RASGRF1: variants seen among roughly 807,000 people sequenced by gnomAD.
RASGRF1 encodes the protein Ras protein specific guanine nucleotide releasing factor 1.
In RASGRF1, 40 loss-of-function variants were observed where a neutral mutation model predicts 138.7. The ratio of observed to expected loss-of-function variants is 0.29; its 90% confidence interval spans 0.22 to 0.38. The LOEUF (loss-of-function observed/expected upper bound fraction) is 0.38, where lower values mean the gene tolerates loss of function less well. Among genes scored for constraint, RASGRF1 ranks in the 10% least tolerant of loss-of-function variants. The pLI is 1.00. For synonymous variants in RASGRF1, 614 were observed against 663.2 expected (o/e 0.93, Z 1.14); for missense variants, 1,108 against 1,650.4 (o/e 0.67, Z 5.69).
chr15:79,037,562 G>A (rs1285732783), intron 5 of RASGRF1, among the ~76,000 whole-genome samples: 9 of 151,780 alleles, frequency 5.9e-5, no homozygotes, highest in African/African-American at 9.7e-5. Flanking sequence ...GGTTTCAAGC[G>A]ATTCTCCTGA....
chr15:79,002,055 A>C lies in RASGRF1; in HGVS notation c.2450-268T>G, dbSNP rs146119090. Among the ~76,000 whole-genome samples the C allele has an allele frequency of 1.5e-3, 229 of 152,310 alleles. 6 individuals carry two copies. In the East Asian group the frequency reaches 0.038, roughly 25 times the overall value. On this transcript the variant is annotated intron_variant, in intron 15 of 26. Coordinates refer to ENST00000558480, the MANE Select transcript of RASGRF1 (RefSeq NM_001145648.3). ...AGACACACCTGGGGATCTTGTCAGA[A>C]TGCAAATTCTGATTCAGGGGTCTCA... is the stretch of plus-strand genomic sequence containing the variant.
At position 79,001,709 on chromosome 15, in the gene RASGRF1, G is replaced by A. The variant is rs1330997240; in HGVS notation, c.2528C>T (p.Thr843Ile). ...TGATTTGGGTGTTGTTGGAGATTTAGTTGGTGATGTTTCAGTATCACCATC... is the reference window on the plus strand; with the variant it reads ...TGATTTGGGTGTTGTTGGAGATTTAATTGGTGATGTTTCAGTATCACCATC... ...SDDGDTETSP[T>I]KSPTTPKSVK... The change falls in exon 16 of 27, where the codon ACT (threonine) becomes ATT (isoleucine). Residue 843 changes from threonine to isoleucine, a missense_variant. Thr to Ile is a moderately conservative substitution (Grantham distance 89). Around this residue, in one of 3 missense-constraint regions of RASGRF1, gnomAD observed 686 missense variants for 976.7 expected, o/e 0.70. Coordinates refer to ENST00000558480, the MANE Select transcript of RASGRF1 (RefSeq NM_001145648.3). 6.2e-7 allele frequency: 1 copy of A among 1,610,760 alleles called. No individual in the cohort carries two copies.
intron 19 of RASGRF1, 160 bp downstream of exon 19, chr15:78,997,936 C>T (rs561536861): frequency 4.8e-6 from 3 of 622,832 alleles, no homozygotes; most frequent in African/African-American, 1.8e-5. Context: ...CCTGAGCCTG[C>T]CCCCAAGAGC....
intron 1 of RASGRF1, among the ~76,000 whole-genome samples, chr15:79,079,701 T>C (rs1050763315): frequency 1.3e-5 from 2 of 152,224 alleles, no homozygotes; most frequent in African/African-American, 4.8e-5. Context: ...TAATGGCCAC[T>C]AGGGAAGTGA....
intron 1 of RASGRF1, among the ~76,000 whole-genome samples, chr15:79,077,903 AGGGGTGGGT>A (rs934648374): frequency 2.1e-4 from 1 of 4,738 alleles, no homozygotes; most frequent in African/African-American, 1.1e-3. Flanking sequence ...CTCTGAGAGA[AGGGGTGGGT>A]GGGGTGGGCT....
At chr15:79,085,959 A>G (rs1229372853) in intron 1 of RASGRF1, among the ~76,000 whole-genome samples, 1 of 152,202 alleles carries the variant, frequency 6.6e-6, no homozygotes, top group Non-Finnish European at 1.5e-5. Context: ...GCATAGGCGC[A>G]AGGAGCCGAT....
At chr15:79,000,368 A>T (rs2056495634) in intron 16 of RASGRF1, among the ~76,000 whole-genome samples, 1 of 152,158 alleles carries the variant, frequency 6.6e-6, no homozygotes, top group Non-Finnish European at 1.5e-5. Context: ...TGGAGAGAGG[A>T]TGGCTCTTGG....
chr15:78,982,532 C>A (rs897393705), intron 23 of RASGRF1, among the ~76,000 whole-genome samples: 6 of 152,090 alleles, frequency 3.9e-5, no homozygotes, highest in African/African-American at 1.4e-4. Flanking sequence ...CATGGGATAC[C>A]AAGCCTCTGG....
intron 20 of RASGRF1, among the ~76,000 whole-genome samples, chr15:78,992,474 G>A (rs2056291700): frequency 6.6e-6 from 1 of 152,244 alleles, no homozygotes; most frequent in African/African-American, 2.4e-5. Context: ...GATGAGTGGT[G>A]GACATAGGGA....
chr15:79,074,197 G>T (rs1370421567), intron 1 of RASGRF1, among the ~76,000 whole-genome samples: 4 of 152,212 alleles, frequency 2.6e-5, no homozygotes, highest in Non-Finnish European at 4.4e-5. Flanking sequence ...GATCCCTAGG[G>T]GTATGGCTGG....
intron 1 of RASGRF1, among the ~76,000 whole-genome samples, chr15:79,085,242 G>A (rs1209737751): frequency 1.3e-5 from 2 of 152,220 alleles, no homozygotes; most frequent in Non-Finnish European, 2.9e-5. Context: ...GGCATGGTTG[G>A]TGGGAGATCA....
intron 10 of RASGRF1, among the ~76,000 whole-genome samples, chr15:79,023,660 T>C (rs2056998042): frequency 6.6e-6 from 1 of 152,130 alleles, no homozygotes; most frequent in Non-Finnish European, 1.5e-5. Flanking sequence ...GAGATGCTCA[T>C]TCCCTCCCCC....
At chr15:78,975,720 A>G (rs908974065) in intron 24 of RASGRF1, among the ~76,000 whole-genome samples, 1 of 152,046 alleles carries the variant, frequency 6.6e-6, no homozygotes. Context: ...TATTTTTGCC[A>G]TGTTGCCCAG....
At chr15:79,043,999 G>A (rs1362173902) in intron 5 of RASGRF1, among the ~76,000 whole-genome samples, 3 of 152,230 alleles carry the variant, frequency 2.0e-5, no homozygotes, top group Non-Finnish European at 4.4e-5. Context: ...CACCAGGGAA[G>A]TGCACTCAGA....
At chr15:79,028,277 C>A (rs2057089456) in intron 8 of RASGRF1, among the ~76,000 whole-genome samples, 2 of 152,112 alleles carry the variant, frequency 1.3e-5, no homozygotes, top group Admixed American at 1.3e-4. Flanking sequence ...TATTCCCATC[C>A]CAAGAGCAAA....
chr15:79,061,413 A>T (rs201280260), intron 2 of RASGRF1, among the ~76,000 whole-genome samples: 92 of 116,950 alleles, frequency 7.9e-4, no homozygotes, highest in African/African-American at 2.1e-3. Context: ...CTATCTTTAA[A>T]ATATATATAT....
intron 1 of RASGRF1, among the ~76,000 whole-genome samples, chr15:79,082,106 G>A (rs1283996738): frequency 6.6e-6 from 1 of 152,170 alleles, no homozygotes; most frequent in African/African-American, 2.4e-5. Context: ...GATCAGATTT[G>A]CATTTTAGAA....
rs532379174 is a variant in RASGRF1, at chr15:79,086,091, C to T, written c.276+4132G>A. ...ACACAGTTGATCCTGGGGCCCCACA[C>T]CTGCTAGGATTGGGCATGGTCTGGA... is the stretch of plus-strand genomic sequence containing the variant. On this transcript the variant is annotated intron_variant, in intron 1 of 26. Transcript: ENST00000558480. 7.9e-5 allele frequency among the ~76,000 whole-genome samples: 12 copies of T among 152,256 alleles called. No individual in the cohort carries two copies. In the South Asian group the frequency reaches 1.9e-3, roughly 24 times the overall value.
intron 13 of RASGRF1, among the ~76,000 whole-genome samples, chr15:79,012,872 G>A (rs1185621127): frequency 2.0e-5 from 3 of 152,014 alleles, no homozygotes; most frequent in African/African-American, 4.8e-5. Flanking sequence ...TAGTAGAGAC[G>A]AGGTTTCACC....
Sources: allele counts gnomAD v4.1 joint callset (sites outside exome capture counted in the v4.1 genomes callset), GRCh38; gene constraint gnomAD v4.1.1; regional missense constraint gnomAD v4.1.1; transcripts MANE v1.5; gene names NCBI Gene and HGNC (gene_info 2026-07-23, HGNC 2026-07-21).